Variants in LRRC7 observed in about 807,000 individuals in gnomAD.
The protein encoded by LRRC7 is leucine rich repeat containing 7.
A neutral mutation model predicts 175.7 loss-of-function variants in LRRC7; 23 were observed. The ratio of observed to expected loss-of-function variants is 0.13; its 90% CI spans 0.09 to 0.19. The LOEUF (loss-of-function observed/expected upper bound fraction) is 0.19. Among genes scored for constraint, LRRC7 ranks in the 10% least tolerant of loss-of-function variants. The probability of loss-of-function intolerance (pLI) is 1.00; values close to 1 mark genes in which losing one functional copy is unlikely to be tolerated. For missense variants in LRRC7, 1,354 were observed against 1,904.7 expected, an observed-to-expected ratio of 0.71 and a Z score of 5.38; for synonymous variants, 685 against 680.9, an observed-to-expected ratio of 1.01 and a Z score of -0.09.
intron 24 of LRRC7, among the ~76,000 whole-genome samples, chr1:70,087,850 A>G (rs1370054951): frequency 6.6e-6 from 1 of 152,178 alleles, no homozygotes; most frequent in Non-Finnish European, 1.5e-5. Flanking sequence ...TATATTTACT[A>G]TTGTGAAATA....
chr1:69,578,127 C>T (rs937645177), intron 1 of LRRC7, among the ~76,000 whole-genome samples: 17 of 151,988 alleles, frequency 1.1e-4, no homozygotes, highest in Admixed American at 4.6e-4. Context: ...AAAAAGGGGG[C>T]GAAGGACATG....
chr1:69,925,055 A>G (rs1647020175), intron 7 of LRRC7, among the ~76,000 whole-genome samples: 1 of 152,194 alleles, frequency 6.6e-6, no homozygotes, highest in Admixed American at 6.5e-5. Context: ...CTGTTGAGAT[A>G]ATCATGTGGT....
intron 23 of LRRC7, among the ~76,000 whole-genome samples, chr1:70,060,702 A>G (rs189551361): frequency 6.6e-6 from 1 of 152,346 alleles, no homozygotes; most frequent in Non-Finnish European, 1.5e-5. Context: ...TAAATATTAC[A>G]TATAAGAGAT....
At chr1:69,688,768 G>A (rs1483520481) in intron 2 of LRRC7, among the ~76,000 whole-genome samples, 2 of 151,916 alleles carry the variant, frequency 1.3e-5, no homozygotes, top group African/African-American at 4.8e-5. Flanking sequence ...TGTACTCATT[G>A]GCCTCACCCT....
chr1:69,671,256 C>A (rs1422826252), intron 1 of LRRC7, among the ~76,000 whole-genome samples: 5 of 152,052 alleles, frequency 3.3e-5, no homozygotes, highest in Admixed American at 3.3e-4. Flanking sequence ...CAGCATGTTC[C>A]CTTCTTGCCT....
chr1:69,999,270 A>ACTTG (rs1655296983), intron 11 of LRRC7, among the ~76,000 whole-genome samples: 1 of 152,196 alleles, frequency 6.6e-6, no homozygotes. Flanking sequence ...AGCAGCTTTC[A>ACTTG]CTTGCTTGGA....
At chr1:69,705,085 A>G (rs1340462521) in intron 2 of LRRC7, among the ~76,000 whole-genome samples, 3 of 152,162 alleles carry the variant, frequency 2.0e-5, no homozygotes, top group Non-Finnish European at 4.4e-5. Flanking sequence ...TCTAATTTGT[A>G]AACTTTCCCA....
At chr1:69,648,562 G>A (rs1171597771) in intron 1 of LRRC7, among the ~76,000 whole-genome samples, 1 of 152,198 alleles carries the variant, frequency 6.6e-6, no homozygotes, top group African/African-American at 2.4e-5. Flanking sequence ...TCCCACCACA[G>A]GGGCCTTCAC....
intron 11 of LRRC7, among the ~76,000 whole-genome samples, chr1:70,010,489 C>A (rs1460594332): frequency 6.6e-6 from 1 of 152,032 alleles, no homozygotes; most frequent in East Asian, 1.9e-4. Context: ...CACTTGAACC[C>A]AGGAAGTGGG....
rs1436830185 is a variant in LRRC7, at chr1:70,039,682, T to C, written c.3858T>C (p.Ser1286=). Residue 1286 remains serine, a synonymous_variant, in exon 21 of 27, where the codon AGT becomes AGC. Coordinates refer to ENST00000651989, the MANE Select transcript of LRRC7 (RefSeq NM_001370785.2). ...GNYGDKPSDN[S]DLKTRPTPVK... ...ATGGTGACAAGCCATCAGATAACAGTGATTTAAAGACGAGGCCTACTCCTG... is the reference window on the plus strand; with the variant it reads ...ATGGTGACAAGCCATCAGATAACAGCGATTTAAAGACGAGGCCTACTCCTG... 1.9e-6 allele frequency: 3 copies of C among 1,613,838 alleles called. No individual in the cohort carries two copies. In the African/African-American group the frequency reaches 4.0e-5, roughly 22 times the overall value.
intron 2 of LRRC7, among the ~76,000 whole-genome samples, chr1:69,705,892 A>G (rs1308328018): frequency 6.6e-6 from 1 of 152,172 alleles, no homozygotes; most frequent in East Asian, 1.9e-4. Context: ...TGAGCTTGAT[A>G]GTATAAAGAA....
chr1:69,862,539 T>G (rs1010060266), intron 7 of LRRC7, among the ~76,000 whole-genome samples: 2 of 152,184 alleles, frequency 1.3e-5, no homozygotes, highest in African/African-American at 4.8e-5. Flanking sequence ...AATGTCCACT[T>G]TAACAGAAAA....
chr1:70,025,457 A>T (rs991192201), intron 17 of LRRC7, among the ~76,000 whole-genome samples: 3 of 152,040 alleles, frequency 2.0e-5, no homozygotes, highest in African/African-American at 7.2e-5. Flanking sequence ...TTAGACATAT[A>T]CAGAGTAGAG....
intron 1 of LRRC7, among the ~76,000 whole-genome samples, chr1:69,582,964 A>G (rs1646258625): frequency 6.6e-6 from 1 of 152,210 alleles, no homozygotes; most frequent in African/African-American, 2.4e-5. Flanking sequence ...ACATTTGGGG[A>G]AAAATAACAT....
chr1:70,120,739 C>G (rs759824884), intron 26 of LRRC7, among the ~76,000 whole-genome samples: 1 of 152,036 alleles, frequency 6.6e-6, no homozygotes, highest in Non-Finnish European at 1.5e-5. Flanking sequence ...GCTCTGTTAC[C>G]TCTATTCAGC....
In LRRC7 at chr1:70,137,628, C is replaced by G. The variant is rs1666922228; in HGVS notation, c.*15741C>G. Among the ~76,000 whole-genome samples, 4 of 152,202 alleles carry G rather than the reference C, an allele frequency of 2.6e-5. No homozygotes were observed. The highest frequency in any genetic ancestry group is 2.6e-4 in the Admixed American group (4 of 15,286). On this transcript the variant is annotated 3_prime_UTR_variant, in exon 27 of 27. Coordinates refer to ENST00000651989, the MANE Select transcript of LRRC7 (RefSeq NM_001370785.2). ...GTAAGAAATGCAACTTGAACAGCCC[C>G]TGAGATAAAATTTTCTAGGAAGTAT...
intron 8 of LRRC7, among the ~76,000 whole-genome samples, chr1:69,973,646 G>A (rs773607427): frequency 5.3e-5 from 8 of 152,172 alleles, no homozygotes; most frequent in Non-Finnish European, 8.8e-5. Context: ...CCAGGCTGGA[G>A]TGCAGTGGCG....
At chr1:69,808,365 T>A (rs1174663756) in intron 4 of LRRC7, among the ~76,000 whole-genome samples, 4 of 151,712 alleles carry the variant, frequency 2.6e-5, no homozygotes, top group Non-Finnish European at 5.9e-5. Flanking sequence ...AGACAAAAAA[T>A]TAACAAGGGT....
At position 69,937,491 on chromosome 1, in the gene LRRC7, T is replaced by C. The variant is rs78901159; in HGVS notation, c.711+5921T>C. Among the ~76,000 whole-genome samples the C allele has an allele frequency of 3.4e-3, 511 of 152,192 alleles. 24 individuals carry two copies. The East Asian group carries it at 0.087, about 26-fold the overall frequency. On this transcript the variant is annotated intron_variant, in intron 8 of 26. Transcript: ENST00000651989. ...ACCACTTTTGCATTTCTGAAATACATACATGGTTCATGATCTAATCATGAT... is the reference window on the plus strand; with the variant it reads ...ACCACTTTTGCATTTCTGAAATACACACATGGTTCATGATCTAATCATGAT...
Sources: allele counts gnomAD v4.1 joint callset (sites outside exome capture counted in the v4.1 genomes callset), GRCh38; gene constraint gnomAD v4.1.1; transcripts MANE v1.5; gene names NCBI Gene and HGNC (gene_info 2026-07-23, HGNC 2026-07-21).